Variants in HEPHL1 observed in about 807,000 individuals in gnomAD.
The protein encoded by HEPHL1 is hephaestin like 1.
A neutral mutation model predicts 122.0 loss-of-function variants in HEPHL1; 123 were observed. The observed-to-expected ratio is 1.01, with a 90% CI of 0.87 to 1.17. HEPHL1 has a LOEUF of 1.17. Ranked by LOEUF, HEPHL1 falls within the 50% of genes most tolerant of loss-of-function variation. The pLI is 0.00. For synonymous variants in HEPHL1, 527 were observed against 508.9 expected (o/e 1.04, Z -0.48); for missense variants, 1,452 against 1,430.5 (o/e 1.01, Z -0.24).
At chr11:94,074,796 G>A (rs193226845) in intron 8 of HEPHL1, among the ~76,000 whole-genome samples, 8 of 152,202 alleles carry the variant, frequency 5.3e-5, no homozygotes, top group Admixed American at 3.9e-4. Context: ...TAGGTTTCTT[G>A]CTTAATTCTT....
chr11:94,032,412 T>A (rs567290609), intron 1 of HEPHL1, among the ~76,000 whole-genome samples: 2 of 152,164 alleles, frequency 1.3e-5, no homozygotes, highest in African/African-American at 4.8e-5. Context: ...ACAGCGGGAG[T>A]GATAATCACT....
At chr11:94,037,634 T>C (rs1179978598) in intron 1 of HEPHL1, among the ~76,000 whole-genome samples, 1 of 151,938 alleles carries the variant, frequency 6.6e-6, no homozygotes, top group African/African-American at 2.4e-5. Context: ...CAGCAGGGTA[T>C]TCCAACAGAC....
At chr11:94,055,219 T>G (rs1945927183) in intron 2 of HEPHL1, 1 of 266,076 alleles carries the variant, frequency 3.8e-6, no homozygotes, top group Admixed American at 4.1e-5. Flanking sequence ...GATGGCCACC[T>G]TTTTCTGCTG....
intron 13 of HEPHL1, among the ~76,000 whole-genome samples, chr11:94,098,923 T>C (rs1170287265): frequency 6.6e-6 from 1 of 152,202 alleles, no homozygotes; most frequent in Non-Finnish European, 1.5e-5. Flanking sequence ...TCTAATCTTT[T>C]TTCAAGGTTT....
intron 9 of HEPHL1, among the ~76,000 whole-genome samples, chr11:94,081,576 G>C (rs1591481080): frequency 6.6e-6 from 1 of 152,154 alleles, no homozygotes; most frequent in Admixed American, 6.5e-5. Flanking sequence ...CATGCTGTGG[G>C]AAGTCATATC....
chr11:94,026,466 C>A (rs71480700), intron 1 of HEPHL1, among the ~76,000 whole-genome samples: 1 of 152,324 alleles, frequency 6.6e-6, no homozygotes, highest in African/African-American at 2.4e-5. Context: ...CCTCCCCTAC[C>A]TCAGTTCTCT....
At chr11:94,086,889 G>A (rs1002983900) in intron 11 of HEPHL1, among the ~76,000 whole-genome samples, 6 of 151,930 alleles carry the variant, frequency 3.9e-5, no homozygotes, top group Non-Finnish European at 8.8e-5. Context: ...TATAGACATT[G>A]AACATGTTTT....
intron 2 of HEPHL1, among the ~76,000 whole-genome samples, chr11:94,048,960 A>C (rs1294413971): frequency 6.6e-6 from 1 of 151,948 alleles, no homozygotes; most frequent in Non-Finnish European, 1.5e-5. Context: ...TCTCTACTAA[A>C]AATACAAAAA....
chr11:94,064,327 A>T lies in HEPHL1; in HGVS notation c.629-4A>T. 1.2e-6 allele frequency: 2 copies of T among 1,605,528 alleles called. No homozygotes were observed. The highest frequency in any genetic ancestry group is 1.7e-6 in the Non-Finnish European group (2 of 1,174,044). On this transcript the variant is annotated splice_polypyrimidine_tract_variant and splice_region_variant and intron_variant, in intron 3 of 19. Transcript: ENST00000315765. The stretch of plus-strand genomic sequence containing the variant: ...CTCTCTACTCTTTTGAATGTGCCTG[A>T]CAGGTATCCTGAATAGATATTCAGG...
chr11:94,063,696 G>T lies in HEPHL1; in HGVS notation c.604G>T (p.Gly202Trp). Residue 202 changes from glycine to tryptophan, a missense_variant, in exon 3 of 20, where the codon GGG becomes TGG. By Grantham distance (184) the Gly-to-Trp change is radical (BLOSUM62 -2). Transcript: ENST00000315765. ...APKDICSGLI[G>W]PLLVCKEGIL... ...AAAGGACATCTGCTCTGGGCTAATTGGGCCCCTGCTGGTCTGCAAGGAAGG... is the reference window on the plus strand; with the variant it reads ...AAAGGACATCTGCTCTGGGCTAATTTGGCCCCTGCTGGTCTGCAAGGAAGG... 9.9e-6 allele frequency: 16 copies of T among 1,613,684 alleles called. No individual in the cohort carries two copies. Among genetic ancestry groups the T allele is most frequent in the Non-Finnish European group, 1.4e-5 (16 of 1,179,762 alleles).
intron 14 of HEPHL1, 49 bp from the exon 15 acceptor site, chr11:94,102,865 C>G: frequency 1.1e-6 from 1 of 937,438 alleles, no homozygotes; most frequent in South Asian, 1.4e-5. Context: ...GATAAATCAT[C>G]TGAAACACAG....
intron 2 of HEPHL1, among the ~76,000 whole-genome samples, chr11:94,060,154 G>A (rs1442968442): frequency 1.3e-4 from 15 of 115,472 alleles, no homozygotes; most frequent in East Asian, 5.2e-4. Context: ...ATATATACAC[G>A]CACTGGGGTA....
In HEPHL1 at chr11:94,029,557, A is replaced by T. The variant is rs190295577; in HGVS notation, c.170+8019A>T. Among the ~76,000 whole-genome samples the T allele has an allele frequency of 4.6e-5, 7 of 152,378 alleles. No homozygotes were observed. The East Asian group carries it at 1.3e-3, about 29-fold the overall frequency. ...AGATACCATGGTCTTGCCAGTAGAA[A>T]GTCTGATTCCATTGCCCTGAAGTGG... On this transcript the variant is annotated intron_variant, in intron 1 of 19. Transcript: ENST00000315765.
intron 13 of HEPHL1, among the ~76,000 whole-genome samples, chr11:94,098,911 C>A (rs921956940): frequency 2.0e-5 from 3 of 152,146 alleles, no homozygotes; most frequent in African/African-American, 7.2e-5. Flanking sequence ...GTTAGCCATT[C>A]ATCTAATCTT....
chr11:94,111,180 A>C (rs1946445932), intron 18 of HEPHL1, 115 bp downstream of exon 18: 2 of 778,850 alleles, frequency 2.6e-6, no homozygotes, highest in Non-Finnish European at 4.1e-6. Flanking sequence ...GAGTCAAGTA[A>C]GAGAGACATA....
At chr11:94,076,967 T>C (rs768289848) in intron 9 of HEPHL1, among the ~76,000 whole-genome samples, 16 of 152,216 alleles carry the variant, frequency 1.1e-4, no homozygotes, top group South Asian at 2.1e-4. Context: ...TCTCACACTT[T>C]TTTGGAAATA....
At chr11:94,102,684 A>G (rs1330253981) in intron 14 of HEPHL1, among the ~76,000 whole-genome samples, 1 of 152,248 alleles carries the variant, frequency 6.6e-6, no homozygotes, top group Non-Finnish European at 1.5e-5. Flanking sequence ...TGACAATAGA[A>G]AAATGCAAAC....
At position 94,034,100 on chromosome 11, in the gene HEPHL1, G is replaced by A. The variant is rs554115843; in HGVS notation, c.171-11573G>A. 7.9e-5 allele frequency among the ~76,000 whole-genome samples: 12 copies of A among 152,354 alleles called. No individual in the cohort carries two copies. In the East Asian group the frequency reaches 1.9e-3, roughly 24 times the overall value. On this transcript the variant is annotated intron_variant, in intron 1 of 19. Transcript: ENST00000315765. ...CTGGCAGAAGCATGGGGACCTGGGAGTTGGGGCAAAGAGGGAGGAAATGAG... is the reference window on the plus strand; with the variant it reads ...CTGGCAGAAGCATGGGGACCTGGGAATTGGGGCAAAGAGGGAGGAAATGAG...
rs772657057 is a variant in HEPHL1 at position 94,075,250 on chromosome 11, C to T, written c.1581C>T (p.Ser527=). ...TYKWTVPESV[S]PTAGDPPCLT... Reference sequence around the variant, plus strand: ...AGTGGACAGTGCCTGAGAGCGTAAGCCCAACTGCTGGTGATCCTCCCTGTC... The same window carrying T: ...AGTGGACAGTGCCTGAGAGCGTAAGTCCAACTGCTGGTGATCCTCCCTGTC... Residue 527 remains serine, a synonymous_variant, in exon 9 of 20, where the codon AGC becomes AGT. Transcript: ENST00000315765. 1.2e-6 allele frequency: 2 copies of T among 1,613,440 alleles called. No individual in the cohort carries two copies. The highest frequency in any genetic ancestry group is 2.2e-5 in the East Asian group (1 of 44,860).
Sources: gnomAD v4.1 joint callset for allele counts (sites outside exome capture counted in the v4.1 genomes callset) on GRCh38, gnomAD v4.1.1 for gene constraint, MANE v1.5 for transcripts, NCBI Gene and HGNC (gene_info 2026-07-23, HGNC 2026-07-21) for gene names.